Variants in PRELID2 observed in about 807,000 individuals in gnomAD.
The protein encoded by PRELID2 is PRELI domain-containing protein 2.
PRELID2 carries 25 observed loss-of-function variants against 28.4 expected under a neutral mutation model. That is an observed-to-expected ratio of 0.88 (90% confidence interval 0.64 to 1.23). The LOEUF (loss-of-function observed/expected upper bound fraction) is 1.23, where lower values mean the gene tolerates loss of function less well. Among genes scored for constraint, PRELID2 ranks in the 50% most tolerant of loss-of-function variants. The probability of loss-of-function intolerance (pLI) is 0.00; values close to 1 mark genes in which losing one functional copy is unlikely to be tolerated. For missense variants in PRELID2, 201 were observed against 214.4 expected (o/e 0.94, Z 0.39); for synonymous variants, 76 against 71.6 (o/e 1.06, Z -0.31).
rs143069265 is a variant in PRELID2 at position 145,656,393 on chromosome 5, T to C, written n.70+108538A>G. ...GAAATGTCATTTGACCCAGCCATCC[T>C]ATTACTGGGTATATTCCCAAAGGAT... On this transcript the variant is annotated intron_variant and non_coding_transcript_variant, in intron 1 of 2. Coordinates refer to the PRELID2 transcript ENST00000510259. Among the ~76,000 whole-genome samples the C allele has an allele frequency of 9.3e-4, 141 of 152,266 alleles. 1 individual carries two copies. The highest frequency in any genetic ancestry group is 3.0e-3 in the African/African-American group (125 of 41,562).
At chr5:145,287,255 A>T in the PRELID2 span, among the ~76,000 whole-genome samples, 4 of 152,158 alleles carry the variant, frequency 2.6e-5, no homozygotes, top group Non-Finnish European at 4.4e-5. Flanking sequence ...TTTAATTTAT[A>T]AATTAGGCAC....
chr5:145,297,587 C>T, the PRELID2 span, among the ~76,000 whole-genome samples: 3 of 152,118 alleles, frequency 2.0e-5, no homozygotes, highest in Admixed American at 1.3e-4. Flanking sequence ...CTCACCACTC[C>T]TATTCAACAT....
chr5:145,443,342 A>C, the PRELID2 span, among the ~76,000 whole-genome samples: 2 of 152,106 alleles, frequency 1.3e-5, no homozygotes, highest in East Asian at 3.9e-4. Context: ...AAAGGCAAAA[A>C]ACTTCCCTTT....
the PRELID2 span, among the ~76,000 whole-genome samples, chr5:145,315,443 C>CA: frequency 6.6e-6 from 1 of 152,058 alleles, no homozygotes; most frequent in East Asian, 1.9e-4. Flanking sequence ...AGTTCCCTTT[C>CA]ATATAGAATG....
chr5:145,719,497 G>A (rs748534297), intron 1 of PRELID2, among the ~76,000 whole-genome samples: 9 of 139,864 alleles, frequency 6.4e-5, no homozygotes, highest in South Asian at 2.2e-4. Context: ...TTCCCATTAC[G>A]AGAGAGAGAG....
At chr5:145,768,506 A>T (rs543336364) in intron 5 of PRELID2, among the ~76,000 whole-genome samples, 2 of 152,236 alleles carry the variant, frequency 1.3e-5, no homozygotes, top group African/African-American at 4.8e-5. Context: ...TCACTTTTTT[A>T]TTCTAACAAA....
intron 1 of PRELID2, among the ~76,000 whole-genome samples, chr5:145,552,573 G>A (rs1336849243): frequency 6.6e-6 from 1 of 151,998 alleles, no homozygotes; most frequent in East Asian, 1.9e-4. Flanking sequence ...GATACAAGAG[G>A]AGATGCTTGC....
At chr5:145,731,374 G>A (rs1386622757) in intron 1 of PRELID2, among the ~76,000 whole-genome samples, 1 of 152,186 alleles carries the variant, frequency 6.6e-6, no homozygotes, top group Non-Finnish European at 1.5e-5. Flanking sequence ...TACTGACAGG[G>A]AATCCAGTGA....
the PRELID2 span, among the ~76,000 whole-genome samples, chr5:145,235,821 C>T: frequency 1.3e-5 from 2 of 152,128 alleles, no homozygotes; most frequent in African/African-American, 4.8e-5. Flanking sequence ...ATAGTATGTT[C>T]CTAACTTCAA....
At chr5:145,314,851 A>G in the PRELID2 span, among the ~76,000 whole-genome samples, 5 of 151,836 alleles carry the variant, frequency 3.3e-5, no homozygotes, top group African/African-American at 1.2e-4. Flanking sequence ...AAATTTATAT[A>G]ATTTACTCAT....
rs201895175 is a variant in PRELID2, at chr5:145,584,946, A to G, written n.71-111631T>C. ...AATCCCATTACTGGATATATACCCAAAGTAATATAAATCATTCTATTATAA... is the reference window on the plus strand; with the variant it reads ...AATCCCATTACTGGATATATACCCAGAGTAATATAAATCATTCTATTATAA... On this transcript the variant is annotated intron_variant and non_coding_transcript_variant, in intron 1 of 2. Coordinates refer to the PRELID2 transcript ENST00000510259. Among the ~76,000 whole-genome samples the G allele has an allele frequency of 1.6e-4, 25 of 152,284 alleles. No individual in the cohort carries two copies. The East Asian group carries it at 2.3e-3, about 14-fold the overall frequency.
At chr5:145,303,960 G>T in the PRELID2 span, among the ~76,000 whole-genome samples, 1 of 152,166 alleles carries the variant, frequency 6.6e-6, no homozygotes, top group African/African-American at 2.4e-5. Flanking sequence ...GAGTATGATA[G>T]AATCGGTGAA....
intron 1 of PRELID2, among the ~76,000 whole-genome samples, chr5:145,499,115 G>T (rs1287171003): frequency 2.0e-5 from 3 of 152,094 alleles, no homozygotes; most frequent in Non-Finnish European, 4.4e-5. Context: ...GGGTGTGGTG[G>T]TGTTACCTTG....
chr5:145,270,127 A>C, the PRELID2 span, among the ~76,000 whole-genome samples: 79 of 151,924 alleles, frequency 5.2e-4, no homozygotes, highest in African/African-American at 1.7e-3. Flanking sequence ...TCTGTCATAC[A>C]TTGTTGGGAG....
the PRELID2 span, among the ~76,000 whole-genome samples, chr5:145,408,458 A>ATGTATAACATATATATGTATAATATATT: frequency 6.8e-6 from 1 of 146,778 alleles, no homozygotes; most frequent in Non-Finnish European, 1.5e-5. Flanking sequence ...TATAATATAT[A>ATGTATAACATATATATGTATAATATATT]TGTATAATAT....
intron 1 of PRELID2, among the ~76,000 whole-genome samples, chr5:145,500,489 A>C (rs58540880): frequency 0.021 from 3,227 of 152,172 alleles, 115 homozygotes; most frequent in African/African-American, 0.075. Context: ...GAATGGACTA[A>C]TACATTGTCT....
At chr5:145,361,840 A>G in the PRELID2 span, among the ~76,000 whole-genome samples, 2 of 152,044 alleles carry the variant, frequency 1.3e-5, no homozygotes, top group African/African-American at 4.8e-5. Flanking sequence ...CCTACCTGGG[A>G]GGCAATTTCC....
At chr5:145,706,787 AACAT>A (rs1468997369) in intron 1 of PRELID2, among the ~76,000 whole-genome samples, 2 of 152,238 alleles carry the variant, frequency 1.3e-5, no homozygotes, top group East Asian at 3.8e-4. Context: ...TTACCTATGA[AACAT>A]AAATAACCCC....
At chr5:145,284,785 T>C in the PRELID2 span, among the ~76,000 whole-genome samples, 1 of 152,142 alleles carries the variant, frequency 6.6e-6, no homozygotes, top group Admixed American at 6.6e-5. Context: ...AATATTACTT[T>C]CTATATCAAG....
Sources: allele counts gnomAD v4.1 joint callset (sites outside exome capture counted in the v4.1 genomes callset), GRCh38; gene constraint gnomAD v4.1.1; transcripts MANE v1.5; gene names NCBI Gene and HGNC (gene_info 2026-07-23, HGNC 2026-07-21).